The following ZNF875 variants were observed in gnomAD, a reference collection of about 807,000 sequenced individuals.
The protein encoded by ZNF875 is zinc finger protein 875, also known as HKR1, GLI-Kruppel zinc finger family member.
Under a neutral mutation model 11.2 loss-of-function variants are expected in ZNF875, and 14 were observed. The ratio of observed to expected loss-of-function variants is 1.26; its 90% CI spans 0.83 to 1.96. The LOEUF (loss-of-function observed/expected upper bound fraction) is 1.96. Among genes scored for constraint, ZNF875 ranks in the 30% most tolerant of loss-of-function variants. ZNF875 has a pLI of 0.00. For synonymous variants in ZNF875, 301 were observed against 281.1 expected, an observed-to-expected ratio of 1.07 and a Z score of -0.71; for missense variants, 752 against 760.4, an observed-to-expected ratio of 0.99 and a Z score of 0.13.
At position 37,352,140 on chromosome 19, in the gene ZNF875, T is replaced by G. The variant is rs147742998; in HGVS notation, c.256+4268T>G. Among the ~76,000 whole-genome samples, 11 of 152,294 alleles carry G rather than the reference T, an allele frequency of 7.2e-5. No individual in the cohort carries two copies. The East Asian group carries it at 1.9e-3, about 27-fold the overall frequency. On this transcript the variant is annotated intron_variant, in intron 4 of 4. Transcript: ENST00000392153. ...CGTCTTCTTATTGACCTTTTTATCA[T>G]TATGGAATTTCCTCCTTTGTTTTTT... is the stretch of plus-strand genomic sequence containing the variant.
intron 2 of ZNF875, among the ~76,000 whole-genome samples, chr19:37,336,171 TTTG>T (rs2034356158): frequency 6.6e-6 from 1 of 151,962 alleles, no homozygotes; most frequent in African/African-American, 2.4e-5. Context: ...CCCTGACTGG[TTTG>T]TTAAGTTGGA....
intron 1 of ZNF875, among the ~76,000 whole-genome samples, chr19:37,318,939 G>A (rs1204189988): frequency 6.6e-6 from 1 of 151,966 alleles, no homozygotes; most frequent in Non-Finnish European, 1.5e-5. Flanking sequence ...TTTCCCCAAT[G>A]TCTTTGAAAT....
In ZNF875 at chr19:37,361,916, A is replaced by G. The variant is rs1022447531; in HGVS notation, c.257-193A>G. ...TGGGTGAAAGAAAGACTCCGTTTAA[A>G]AAAAAAAACAAAAAAACAAAAGAAA... On this transcript the variant is annotated intron_variant, in intron 4 of 4. Transcript: ENST00000392153. 1.6e-5 allele frequency: 8 copies of G among 502,848 alleles called. No homozygotes were observed. In the South Asian group the frequency reaches 2.0e-4, roughly 13 times the overall value. 31.1% of individuals were successfully genotyped at this position (502,848 alleles called of 1,614,324 possible).
upstream of ZNF875, among the ~76,000 whole-genome samples, chr19:37,332,172 C>G (rs1246062477): frequency 6.7e-6 from 1 of 150,056 alleles, no homozygotes; most frequent in South Asian, 2.2e-4. Context: ...ACATCCGCCT[C>G]TTCGAGAAAC....
chr19:37,318,311 C>T (rs2030456422), intron 1 of ZNF875: 2 of 152,068 alleles, frequency 1.3e-5, no homozygotes, highest in Admixed American at 1.3e-4. Flanking sequence ...AAATAAAATA[C>T]ATTACTAGTT....
chr19:37,334,428 A>T (rs2033861775), upstream of ZNF875, among the ~76,000 whole-genome samples: 6 of 152,198 alleles, frequency 3.9e-5, no homozygotes, highest in Admixed American at 3.9e-4. Context: ...CGGTCAGCAG[A>T]TCTCATTGGT....
chr19:37,319,748 C>T (rs1004799969), intron 1 of ZNF875, among the ~76,000 whole-genome samples: 10 of 152,162 alleles, frequency 6.6e-5, no homozygotes, highest in South Asian at 6.2e-4. Flanking sequence ...AAACTAAGAC[C>T]GGCTATCCCT....
upstream of ZNF875, chr19:37,313,407 C>T (rs1440626917): frequency 1.3e-5 from 2 of 152,264 alleles, no homozygotes; most frequent in East Asian, 1.9e-4. Flanking sequence ...ACCACTGACA[C>T]ACAGATCAGG....
intron 2 of ZNF875, among the ~76,000 whole-genome samples, chr19:37,322,737 C>T (rs182037659): frequency 2.0e-5 from 3 of 152,304 alleles, no homozygotes; most frequent in Admixed American, 6.5e-5. Flanking sequence ...AGAAATGCAG[C>T]TGTAAACACT....
intron 2 of ZNF875, among the ~76,000 whole-genome samples, chr19:37,323,329 T>C (rs2031852341): frequency 6.6e-6 from 1 of 152,002 alleles, no homozygotes; most frequent in Non-Finnish European, 1.5e-5. Context: ...AATTTTTTAA[T>C]ATTTTTAGTG....
chr19:37,326,085 T>A (rs999170489), intron 4 of ZNF875, among the ~76,000 whole-genome samples: 2 of 152,172 alleles, frequency 1.3e-5, no homozygotes, highest in African/African-American at 2.4e-5. Context: ...CAAGCAGTCC[T>A]CCTGTCTTGG....
intron 4 of ZNF875, among the ~76,000 whole-genome samples, chr19:37,326,290 T>G (rs1221465671): frequency 6.6e-6 from 1 of 152,158 alleles, no homozygotes; most frequent in Non-Finnish European, 1.5e-5. Flanking sequence ...CTCTGGAGGG[T>G]GATTTTATGT....
chr19:37,316,166 A>T (rs534493489), upstream of ZNF875, among the ~76,000 whole-genome samples: 1 of 152,332 alleles, frequency 6.6e-6, no homozygotes, highest in South Asian at 2.1e-4. Context: ...AATGCCTGCA[A>T]AACACTGACT....
At chr19:37,333,411 G>A (rs2033707782), upstream of ZNF875, among the ~76,000 whole-genome samples, 1 of 152,190 alleles carries the variant, frequency 6.6e-6, no homozygotes, top group South Asian at 2.1e-4. Flanking sequence ...GGCTGGAATA[G>A]GGCTCTCGGC....
intron 2 of ZNF875, 68 bp downstream of exon 2, chr19:37,335,325 G>A (rs191071657): frequency 2.3e-5 from 15 of 655,182 alleles, no homozygotes; most frequent in Non-Finnish European, 4.2e-5. Context: ...TCTTGTCCTG[G>A]AGGCTGCCTT....
In ZNF875 at chr19:37,363,894, A is replaced by G. The variant is rs759805206; in HGVS notation, c.*119A>G. ...CAGCCATTGCTAGATACCAAAGTGG[A>G]GACATTCTGTGTGTGATTATGCATG... is the stretch of plus-strand genomic sequence containing the variant. On this transcript the variant is annotated 3_prime_UTR_variant, in exon 5 of 5. Coordinates refer to ENST00000392153, the MANE Select transcript of ZNF875 (RefSeq NM_001353803.2). 1.2e-5 allele frequency: 9 copies of G among 758,482 alleles called. No individual in the cohort carries two copies. In the South Asian group the frequency reaches 1.4e-4, roughly 12 times the overall value. The allele number at this position is 758,482 out of a possible 1,614,324, so 47.0% of individuals were successfully genotyped here. A position where few individuals can be genotyped will look rare whatever the true frequency, so the allele number is the denominator to read the frequency against.
intron 4 of ZNF875, among the ~76,000 whole-genome samples, chr19:37,356,094 G>A (rs540350572): frequency 1.3e-5 from 2 of 152,298 alleles, no homozygotes; most frequent in South Asian, 4.1e-4. Context: ...CCATGTTGCT[G>A]CAGAGGACAT....
chr19:37,355,369 TA>T (rs1406403654), intron 4 of ZNF875, among the ~76,000 whole-genome samples: 1 of 152,160 alleles, frequency 6.6e-6, no homozygotes, highest in Non-Finnish European at 1.5e-5. Flanking sequence ...TTTGTGTTTT[TA>T]GTAGAGACAG....
chr19:37,319,438 A>G (rs2030910074), intron 1 of ZNF875, among the ~76,000 whole-genome samples: 1 of 149,502 alleles, frequency 6.7e-6, no homozygotes. Context: ...TGACTTTTGT[A>G]GTATTTATTT....
Sources: allele counts gnomAD v4.1 joint callset (sites outside exome capture counted in the v4.1 genomes callset), GRCh38; gene constraint gnomAD v4.1.1; transcripts MANE v1.5; gene names NCBI Gene and HGNC (gene_info 2026-07-23, HGNC 2026-07-21).